Variants in GABRA3 observed in about 807,000 individuals in gnomAD.
The protein encoded by GABRA3 is gamma-aminobutyric acid receptor subunit alpha-3.
GABRA3 carries 10 observed loss-of-function variants against 30.1 expected under a neutral mutation model. The ratio of observed to expected loss-of-function variants is 0.33; its 90% confidence interval spans 0.20 to 0.56. The LOEUF is 0.56. Among genes scored for constraint, GABRA3 ranks in the 20% least tolerant of loss-of-function variants. The pLI is 0.89. For synonymous variants in GABRA3, 151 were observed against 146.8 expected (o/e 1.03, Z -0.21); for missense variants, 233 against 392.0 (o/e 0.59, Z 3.42).
intron 1 of GABRA3, among the ~76,000 whole-genome samples, chrX:152,392,559 A>G (rs979975787): frequency 8.9e-6 from 1 of 112,042 alleles, no homozygotes; most frequent in African/African-American, 3.2e-5. Flanking sequence ...CTTAGAGCCA[A>G]GAGACATCTT....
At chrX:152,186,328 C>A (rs923156871) in intron 9 of GABRA3, among the ~76,000 whole-genome samples, 18 of 110,240 alleles carry the variant, frequency 1.6e-4, no homozygotes, top group Non-Finnish European at 3.2e-4. Context: ...GTGATTCTCC[C>A]GTCTCAGCCT....
At chrX:152,189,036 T>C (rs890467296) in intron 9 of GABRA3, among the ~76,000 whole-genome samples, 1 of 112,288 alleles carries the variant, frequency 8.9e-6, no homozygotes, top group African/African-American at 3.2e-5. Context: ...TATTCAGCTT[T>C]TACTGTGAGT....
intron 3 of GABRA3, among the ~76,000 whole-genome samples, chrX:152,324,882 AT>A (rs1295138326): frequency 1.8e-5 from 2 of 111,987 alleles, no homozygotes; most frequent in Non-Finnish European, 3.8e-5. Context: ...TGTAAAAAAA[AT>A]AATCTACTAG....
intron 3 of GABRA3, among the ~76,000 whole-genome samples, chrX:152,344,676 T>G (rs761423480): frequency 2.7e-5 from 3 of 112,047 alleles, no homozygotes; most frequent in Non-Finnish European, 5.6e-5. Context: ...GCAAACAGAC[T>G]TCAAGTCCCT....
chrX:152,218,667 T>C (rs1937772767), intron 6 of GABRA3, among the ~76,000 whole-genome samples: 1 of 111,265 alleles, frequency 9.0e-6, no homozygotes, highest in Non-Finnish European at 1.9e-5. Context: ...TCTTTATAAT[T>C]GTTATACTTT....
intron 6 of GABRA3, among the ~76,000 whole-genome samples, chrX:152,220,797 C>A (rs1398491501): frequency 9.0e-6 from 1 of 110,681 alleles, no homozygotes; most frequent in Non-Finnish European, 1.9e-5. Context: ...CATTTCCCTG[C>A]TGACTAATGC....
At position 152,258,225 on chromosome X, in the gene GABRA3, A is replaced by C. The variant is rs185140952; in HGVS notation, c.331-2227T>G. Among the ~76,000 whole-genome samples the C allele has an allele frequency of 1.2e-3, 131 of 112,193 alleles. 1 individual carries two copies. Among genetic ancestry groups the C allele is most frequent in the African/African-American group, 4.1e-3 (126 of 30,973 alleles). ...GGAGAAAGTAAAAGCAAATTTGAAA[A>C]AGATATATCTAATTGAAGTTGACTT... On this transcript the variant is annotated intron_variant, in intron 4 of 9. Transcript: ENST00000370314.
intron 3 of GABRA3, among the ~76,000 whole-genome samples, chrX:152,304,938 G>A (rs1444216436): frequency 8.9e-6 from 1 of 111,759 alleles, no homozygotes; most frequent in Admixed American, 9.5e-5. Flanking sequence ...TCCAACCAAT[G>A]AGCAAGAAAT....
chrX:152,228,688 A>T (rs943665139), intron 5 of GABRA3, among the ~76,000 whole-genome samples: 1 of 111,705 alleles, frequency 9.0e-6, no homozygotes, highest in African/African-American at 3.2e-5. Context: ...AACCCCTTTT[A>T]TGCCTTAAGA....
At chrX:152,202,061 A>AACTAGCC (rs1937491251) in intron 7 of GABRA3, among the ~76,000 whole-genome samples, 1 of 112,210 alleles carries the variant, frequency 8.9e-6, no homozygotes. Context: ...TGGTGTCAAC[A>AACTAGCC]ACTAGCCACA....
At chrX:152,385,548 T>C (rs1033744742) in intron 1 of GABRA3, among the ~76,000 whole-genome samples, 18 of 112,071 alleles carry the variant, frequency 1.6e-4, no homozygotes, top group South Asian at 1.1e-3. Flanking sequence ...AGGTTGCCTG[T>C]TCACTCTGAT....
At chrX:152,357,311 T>C (rs1371445041) in intron 2 of GABRA3, among the ~76,000 whole-genome samples, 2 of 111,887 alleles carry the variant, frequency 1.8e-5, no homozygotes, top group Admixed American at 1.9e-4. Flanking sequence ...TTTTTAATAA[T>C]AGCCATTCGG....
chrX:152,197,637 G>C lies in GABRA3; in HGVS notation c.927C>G (p.Val309=), dbSNP rs199793732. 8.3e-7 allele frequency: 1 copy of C among 1,200,276 alleles called. No homozygotes were observed. The highest frequency in any genetic ancestry group is 1.8e-5 in the African/African-American group (1 of 56,842). ...GCTCCATAAATTATCACTCACCAAAGACTGTACGGGCAGGAACAGACTCTC... is the reference window on the plus strand; with the variant it reads ...GCTCCATAAATTATCACTCACCAAACACTGTACGGGCAGGAACAGACTCTC... ...LNRESVPART[V]FGVTTVLTMT... is the part of the protein sequence containing the mutation. Residue 309 remains valine, a synonymous_variant, in exon 8 of 10, where the codon GTC becomes GTG. Transcript: ENST00000370314.
In GABRA3 at chrX:152,289,253, C is replaced by T. The variant is rs993107586; in HGVS notation, c.263-4518G>A. Among the ~76,000 whole-genome samples the T allele has an allele frequency of 5.2e-4, 57 of 109,724 alleles. 1 individual carries two copies. The highest frequency in any genetic ancestry group is 1.8e-3 in the African/African-American group (55 of 30,258). ...TTGAAACCAGTCTCTGTAAGTTTGC[C>T]ATTTCTAGCTGCTCCACCCCAGCAC... On this transcript the variant is annotated intron_variant, in intron 3 of 9. Transcript: ENST00000370314.
Position 152,343,151 on chromosome X carries a change from G to A in GABRA3, c.262+2430C>T, listed in dbSNP as rs188705190. On this transcript the variant is annotated intron_variant, in intron 3 of 9. Transcript: ENST00000370314. The stretch of plus-strand genomic sequence containing the variant: ...TCTGCCTTATGAATTAATAACCTTG[G>A]CCTCCCCAATTTCTCAACTTCTTCT... Among the ~76,000 whole-genome samples, 6 of 110,596 alleles carry A rather than the reference G, an allele frequency of 5.4e-5. No individual in the cohort carries two copies. The East Asian group carries it at 1.7e-3, about 32-fold the overall frequency.
chrX:152,366,109 T>C (rs764751889), intron 1 of GABRA3, among the ~76,000 whole-genome samples: 4 of 111,504 alleles, frequency 3.6e-5, no homozygotes, highest in African/African-American at 6.5e-5. Context: ...TAAGAAAAGA[T>C]AGTGCATGAT....
At chrX:152,343,876 G>T (rs1027791391) in intron 3 of GABRA3, among the ~76,000 whole-genome samples, 3 of 112,109 alleles carry the variant, frequency 2.7e-5, no homozygotes, top group Admixed American at 9.5e-5. Context: ...TCAATTAAAA[G>T]TACTTGTTGG....
intron 7 of GABRA3, among the ~76,000 whole-genome samples, chrX:152,207,605 C>T (rs1334681747): frequency 8.9e-6 from 1 of 112,075 alleles, no homozygotes; most frequent in Admixed American, 9.4e-5. Flanking sequence ...GTTAATGTGC[C>T]ACCTCAGCAC....
intron 1 of GABRA3, among the ~76,000 whole-genome samples, chrX:152,384,685 A>C (rs995483607): frequency 4.4e-5 from 5 of 112,432 alleles, no homozygotes; most frequent in African/African-American, 1.6e-4. Flanking sequence ...GAACTTCTTC[A>C]CAGAGTAAGA....
Sources: allele counts gnomAD v4.1 joint callset (sites outside exome capture counted in the v4.1 genomes callset), GRCh38; gene constraint gnomAD v4.1.1; transcripts MANE v1.5; gene names NCBI Gene and HGNC (gene_info 2026-07-23, HGNC 2026-07-21).